The following CRB1 variants were observed in gnomAD, a reference collection of about 807,000 sequenced individuals.
The protein encoded by CRB1 is crumbs cell polarity complex component 1.
A neutral mutation model predicts 120.0 loss-of-function variants in CRB1; 83 were observed. That is an observed-to-expected ratio of 0.69 (90% CI 0.58 to 0.83). The LOEUF (loss-of-function observed/expected upper bound fraction) is 0.83. CRB1 is among the 40% of genes least tolerant of loss of function. The probability of loss-of-function intolerance (pLI) is 0.00; values close to 1 mark genes in which losing one functional copy is unlikely to be tolerated. For synonymous variants in CRB1, 625 were observed against 612.5 expected (o/e 1.02, Z -0.30); for missense variants, 1,699 against 1,687.6 (o/e 1.01, Z -0.12).
At chr1:197,278,546 C>A (rs990844655) in intron 1 of CRB1, among the ~76,000 whole-genome samples, 37 of 151,894 alleles carry the variant, frequency 2.4e-4, no homozygotes, top group African/African-American at 8.5e-4. Context: ...AGGAAGCATA[C>A]AATAGCTCTT....
intron 11 of CRB1, among the ~76,000 whole-genome samples, chr1:197,459,674 T>C (rs935086933): frequency 4.6e-5 from 7 of 152,116 alleles, no homozygotes; most frequent in Non-Finnish European, 8.8e-5. Flanking sequence ...GACATAAACA[T>C]TCAGACCATG....
intron 3 of CRB1, 100 bp from the exon 4 acceptor site, chr1:197,347,240 G>A (rs901279546): frequency 3.8e-5 from 39 of 1,039,728 alleles, no homozygotes; most frequent in Non-Finnish European, 5.6e-5. Context: ...GTAAGATGAT[G>A]CCATGGGTCT....
chr1:197,253,765 T>G, the CRB1 span, among the ~76,000 whole-genome samples: 1 of 152,146 alleles, frequency 6.6e-6, no homozygotes, highest in East Asian at 1.9e-4. Flanking sequence ...TTGAATTTTT[T>G]TCTTAATGGG....
intron 5 of CRB1, among the ~76,000 whole-genome samples, chr1:197,383,124 T>C (rs564406725): frequency 6.6e-6 from 1 of 152,298 alleles, no homozygotes; most frequent in East Asian, 1.9e-4. Context: ...ATTTTGAGAA[T>C]TCTTGGCCCT....
intron 1 of CRB1, among the ~76,000 whole-genome samples, chr1:197,268,788 G>A (rs755797668): frequency 3.3e-5 from 5 of 152,042 alleles, no homozygotes; most frequent in Non-Finnish European, 5.9e-5. Context: ...TTGTGTTTAC[G>A]CTTTTACAAA....
chr1:197,232,249 C>T, the CRB1 span, among the ~76,000 whole-genome samples: 1 of 152,242 alleles, frequency 6.6e-6, no homozygotes, highest in South Asian at 2.1e-4. Context: ...TGGATTTTGA[C>T]ATTCAAATCT....
At chr1:197,250,132 C>T in the CRB1 span, among the ~76,000 whole-genome samples, 1 of 151,976 alleles carries the variant, frequency 6.6e-6, no homozygotes, top group South Asian at 2.1e-4. Context: ...TTTCCCACTC[C>T]AAATCATGTA....
At chr1:197,453,833 TA>T (rs1366020448) in intron 11 of CRB1, among the ~76,000 whole-genome samples, 8 of 141,458 alleles carry the variant, frequency 5.7e-5, no homozygotes, top group African/African-American at 8.0e-5. Flanking sequence ...TAATTATTAA[TA>T]TATTATCAAT....
chr1:197,344,806 A>G (rs1018605291), intron 3 of CRB1, among the ~76,000 whole-genome samples: 21 of 152,218 alleles, frequency 1.4e-4, no homozygotes, highest in African/African-American at 4.8e-4. Context: ...ATATGTGTAC[A>G]TAAGTTTGTA....
At chr1:197,426,978 C>T (rs17554990) in intron 6 of CRB1, among the ~76,000 whole-genome samples, 33 of 152,064 alleles carry the variant, frequency 2.2e-4, no homozygotes, top group Admixed American at 1.1e-3. Flanking sequence ...GGTTTAATGA[C>T]ATGTTTGCTT....
chr1:197,214,795 C>T, the CRB1 span, among the ~76,000 whole-genome samples: 6 of 151,626 alleles, frequency 4.0e-5, no homozygotes, highest in East Asian at 1.9e-4. Context: ...TCCAAAAACT[C>T]GAAGAGAAAG....
At chr1:197,419,809 CAA>C (rs551970933) in intron 5 of CRB1, among the ~76,000 whole-genome samples, 19 of 127,222 alleles carry the variant, frequency 1.5e-4, no homozygotes, top group Non-Finnish European at 2.3e-4. Context: ...CCCATCTCTA[CAA>C]AAAAAAAAAA....
intron 4 of CRB1, among the ~76,000 whole-genome samples, chr1:197,351,615 G>A (rs1156749023): frequency 6.6e-6 from 1 of 152,124 alleles, no homozygotes; most frequent in Non-Finnish European, 1.5e-5. Flanking sequence ...CATGGCAGAT[G>A]ATCAAAGAAA....
At chr1:197,333,309 G>A (rs923537445) in intron 2 of CRB1, among the ~76,000 whole-genome samples, 4 of 152,190 alleles carry the variant, frequency 2.6e-5, no homozygotes, top group African/African-American at 7.2e-5. Context: ...GTGAGAATCT[G>A]CTGTGCATAA....
intron 2 of CRB1, 44 bp downstream of exon 2, chr1:197,329,047 T>G: frequency 6.5e-7 from 1 of 1,527,406 alleles, no homozygotes; most frequent in Non-Finnish European, 9.0e-7. Flanking sequence ...TAGTTAGCTC[T>G]TTCTAAGTGG....
chr1:197,299,750 G>C (rs909771191), intron 1 of CRB1, among the ~76,000 whole-genome samples: 2 of 150,426 alleles, frequency 1.3e-5, no homozygotes, highest in Non-Finnish European at 2.9e-5. Flanking sequence ...AAAAAGGCAG[G>C]ACTCCATAGA....
chr1:197,404,441 CAAAAAAAAAA>C (rs558125777), intron 5 of CRB1, among the ~76,000 whole-genome samples: 641 of 58,722 alleles, frequency 0.011, 8 homozygotes, highest in Middle Eastern at 0.02. Context: ...GACTCCGTCT[CAAAAAAAAAA>C]AAAAAAAAAA....
At chr1:197,429,184 T>C in intron 7 of CRB1, 2 of 1,518,890 alleles carry the variant, frequency 1.3e-6, no homozygotes, top group Non-Finnish European at 1.8e-6. Context: ...CAGAGGACAC[T>C]GCTATACTTG....
At chr1:197,383,217 T>G (rs1302083238) in intron 5 of CRB1, among the ~76,000 whole-genome samples, 1 of 152,110 alleles carries the variant, frequency 6.6e-6, no homozygotes, top group Non-Finnish European at 1.5e-5. Context: ...AAACACAAGA[T>G]GTCTATAATA....
Sources: gnomAD v4.1 joint callset for allele counts (sites outside exome capture counted in the v4.1 genomes callset) on GRCh38, gnomAD v4.1.1 for gene constraint, MANE v1.5 for transcripts, NCBI Gene and HGNC (gene_info 2026-07-23, HGNC 2026-07-21) for gene names.